PPP2R2B: variants seen among roughly 807,000 people sequenced by gnomAD.
The protein encoded by PPP2R2B is serine/threonine-protein phosphatase 2A 55 kDa regulatory subunit B beta isoform.
PPP2R2B carries 5 observed loss-of-function variants against 46.0 expected under a neutral mutation model. That is an observed-to-expected ratio of 0.11 (90% CI 0.06 to 0.23). PPP2R2B has a LOEUF of 0.23. Among genes scored for constraint, PPP2R2B ranks in the 10% least tolerant of loss-of-function variants. The probability of loss-of-function intolerance (pLI) is 1.00; values close to 1 mark genes in which losing one functional copy is unlikely to be tolerated. For synonymous variants in PPP2R2B, 215 were observed against 206.7 expected (o/e 1.04, Z -0.34); for missense variants, 367 against 575.0 (o/e 0.64, Z 3.70).
chr5:146,980,829 T>C (rs981959260), intron 1 of PPP2R2B, among the ~76,000 whole-genome samples: 24 of 152,126 alleles, frequency 1.6e-4, no homozygotes, highest in Admixed American at 1.2e-3. Context: ...CATACATGTT[T>C]GTTACATGAC....
intron 1 of PPP2R2B, among the ~76,000 whole-genome samples, chr5:147,002,220 A>G (rs1754211557): frequency 6.6e-6 from 1 of 152,176 alleles, no homozygotes; most frequent in South Asian, 2.1e-4. Context: ...CTCACCGATC[A>G]GAAAGACATA....
rs998489823 is a variant in PPP2R2B at position 146,583,540 on chromosome 5, C to A, written c.*6407G>T. On this transcript the variant is annotated 3_prime_UTR_variant, in exon 10 of 10. Transcript: ENST00000394411. ...GCAGGCAGGCTGGCAGGCTCGGTAT[C>A]CTGGGCTCTTGACATTCCACTGCCA... 6.6e-6 allele frequency: 1 copy of A among 152,136 alleles called. No homozygotes were observed. Among genetic ancestry groups the A allele is most frequent in the African/African-American group, 2.4e-5 (1 of 41,426 alleles). The allele number at this position is 152,136 out of a possible 1,614,324, so 9.4% of individuals were successfully genotyped here.
chr5:147,001,690 C>T (rs1245737330), intron 1 of PPP2R2B, among the ~76,000 whole-genome samples: 7 of 152,142 alleles, frequency 4.6e-5, no homozygotes, highest in South Asian at 2.1e-4. Flanking sequence ...GGACCCCTTT[C>T]GTTTGCTATT....
At chr5:147,073,479 A>G (rs183094571) in intron 2 of PPP2R2B, among the ~76,000 whole-genome samples, 1 of 152,308 alleles carries the variant, frequency 6.6e-6, no homozygotes, top group Admixed American at 6.5e-5. Context: ...GTGAAGTTGC[A>G]TAGGAAATCC....
chr5:146,581,122 G>A lies in PPP2R2B; in HGVS notation c.*8825C>T, dbSNP rs1022625239. On this transcript the variant is annotated 3_prime_UTR_variant, in exon 10 of 10. Coordinates refer to ENST00000394411, the MANE Select transcript of PPP2R2B (RefSeq NM_181675.4). The stretch of plus-strand genomic sequence containing the variant: ...TAGTCTGTTCTTGCATTGCTATAAA[G>A]AAAAACCCGAGACTGGGTAATTTGT... The A allele has an allele frequency of 6.6e-6, 1 of 152,194 alleles. No individual in the cohort carries two copies. The highest frequency in any genetic ancestry group is 1.9e-4 in the East Asian group (1 of 5,176). The allele number at this position is 152,194 out of a possible 1,614,324, so 9.4% of individuals were successfully genotyped here. A position where few individuals can be genotyped will look rare whatever the true frequency, so the allele number is the denominator to read the frequency against.
upstream of PPP2R2B, among the ~76,000 whole-genome samples, chr5:147,059,226 A>G (rs970543123): frequency 6.6e-6 from 1 of 152,230 alleles, no homozygotes; most frequent in Non-Finnish European, 1.5e-5. Context: ...ATGGGCTATG[A>G]CAGCAGGAAG....
rs180898304 is a variant in PPP2R2B, at chr5:146,945,642, T to C, written c.79+110023A>G. Among the ~76,000 whole-genome samples, 323 of 152,262 alleles carry C rather than the reference T, an allele frequency of 2.1e-3. 4 individuals carry two copies. The highest frequency in any genetic ancestry group is 7.9e-4 in the Non-Finnish European group (54 of 68,008). ...CAGGGTGCACCCACTGGAGAGGCAATAGGAAATAAAAATAGCAATTTGTTT... is the reference window on the plus strand; with the variant it reads ...CAGGGTGCACCCACTGGAGAGGCAACAGGAAATAAAAATAGCAATTTGTTT... On this transcript the variant is annotated intron_variant, in intron 1 of 8. Transcript: ENST00000336640.
chr5:147,078,073 C>T (rs1757843603), intron 2 of PPP2R2B, among the ~76,000 whole-genome samples: 1 of 152,140 alleles, frequency 6.6e-6, no homozygotes, highest in South Asian at 2.1e-4. Context: ...GTGCCTTTGG[C>T]AATGTACTTA....
At chr5:146,881,099 T>G (rs1009560508), upstream of PPP2R2B, among the ~76,000 whole-genome samples, 11 of 152,158 alleles carry the variant, frequency 7.2e-5, no homozygotes, top group Admixed American at 3.9e-4. Flanking sequence ...GGGAGTAGGC[T>G]GCAGAGATCA....
chr5:146,846,748 A>G (rs1760038004), intron 2 of PPP2R2B, among the ~76,000 whole-genome samples: 1 of 152,164 alleles, frequency 6.6e-6, no homozygotes, highest in African/African-American at 2.4e-5. Flanking sequence ...TTAAAATTAC[A>G]TATGTGGCTT....
chr5:146,820,148 C>T (rs1056587471), intron 2 of PPP2R2B, among the ~76,000 whole-genome samples: 1 of 152,034 alleles, frequency 6.6e-6, no homozygotes, highest in Admixed American at 6.6e-5. Context: ...AGAAGGGTGA[C>T]TATAGTTAAC....
rs1247002275 is a variant in PPP2R2B at position 146,953,880 on chromosome 5, C to A, written c.79+101785G>T. Among the ~76,000 whole-genome samples, 3 of 152,104 alleles carry A rather than the reference C, an allele frequency of 2.0e-5. No homozygotes were observed. The East Asian group carries it at 5.8e-4, about 29-fold the overall frequency. On this transcript the variant is annotated intron_variant, in intron 1 of 8. Transcript: ENST00000336640. Reference sequence around the variant, plus strand: ...AATGTGGATATTTTAATAAGACATTCAAAGCCAGAAAATGGGTAGAGATGC... The same window carrying A: ...AATGTGGATATTTTAATAAGACATTAAAAGCCAGAAAATGGGTAGAGATGC...
intron 2 of PPP2R2B, among the ~76,000 whole-genome samples, chr5:146,728,954 G>T (rs570595627): frequency 2.6e-5 from 4 of 152,114 alleles, no homozygotes; most frequent in Non-Finnish European, 5.9e-5. Context: ...GGAGTGGGGT[G>T]TTGCTGAAGA....
intron 1 of PPP2R2B, among the ~76,000 whole-genome samples, chr5:147,007,505 G>A (rs1754501021): frequency 6.6e-6 from 1 of 152,112 alleles, no homozygotes; most frequent in Non-Finnish European, 1.5e-5. Flanking sequence ...GGATGTGAGT[G>A]GGCCAAATAA....
intron 3 of PPP2R2B, 49 bp from the exon 4 acceptor site, chr5:146,698,193 CTG>C (rs759971057): frequency 8.2e-5 from 121 of 1,468,330 alleles, no homozygotes; most frequent in Non-Finnish European, 1.0e-4. Flanking sequence ...CAGTAGCCAA[CTG>C]TAAAACTCGC....
chr5:146,621,987 G>C (rs1773735456), intron 7 of PPP2R2B, among the ~76,000 whole-genome samples: 1 of 152,132 alleles, frequency 6.6e-6, no homozygotes, highest in African/African-American at 2.4e-5. Flanking sequence ...AGGTTCTGTA[G>C]AAACACAGAC....
chr5:146,731,143 C>G (rs751276565), intron 2 of PPP2R2B, among the ~76,000 whole-genome samples: 1 of 152,190 alleles, frequency 6.6e-6, no homozygotes, highest in African/African-American at 2.4e-5. Flanking sequence ...TGTTATTCTT[C>G]TCATAAATAA....
At chr5:146,984,426 A>G (rs190838478) in intron 1 of PPP2R2B, among the ~76,000 whole-genome samples, 1 of 152,172 alleles carries the variant, frequency 6.6e-6, no homozygotes, top group Non-Finnish European at 1.5e-5. Context: ...TCTTCTTTTT[A>G]TAGACTAAAT....
At chr5:147,063,577 G>A (rs995882229) in intron 2 of PPP2R2B, among the ~76,000 whole-genome samples, 1 of 152,084 alleles carries the variant, frequency 6.6e-6, no homozygotes, top group Non-Finnish European at 1.5e-5. Context: ...AATCCAGAAT[G>A]TGCTTCCTGT....
Sources: gnomAD v4.1 joint callset for allele counts (sites outside exome capture counted in the v4.1 genomes callset) on GRCh38, gnomAD v4.1.1 for gene constraint, MANE v1.5 for transcripts, NCBI Gene and HGNC (gene_info 2026-07-23, HGNC 2026-07-21) for gene names.